The following CEPT1 variants were observed in gnomAD, a reference collection of about 807,000 sequenced individuals.
The protein encoded by CEPT1 is choline/ethanolaminephosphotransferase 1.
Under a neutral mutation model 42.6 loss-of-function variants are expected in CEPT1, and 7 were observed. That is an observed-to-expected ratio of 0.16 (90% CI 0.09 to 0.31). The LOEUF (loss-of-function observed/expected upper bound fraction) is 0.31, where lower values mean the gene tolerates loss of function less well. Among genes scored for constraint, CEPT1 ranks in the 10% least tolerant of loss-of-function variants. The pLI is 1.00. For synonymous variants in CEPT1, 171 were observed against 171.9 expected (o/e 0.99, Z 0.04); for missense variants, 306 against 502.1 (o/e 0.61, Z 3.73).
intron 4 of CEPT1, among the ~76,000 whole-genome samples, chr1:111,163,515 A>G (rs1046442058): frequency 1.3e-5 from 2 of 152,094 alleles, no homozygotes; most frequent in African/African-American, 4.8e-5. Context: ...CTGTAGGAGG[A>G]TCACTTGCGC....
rs1657132940 is a variant in CEPT1, at chr1:111,184,118, T to C, written c.1132-73T>C. The stretch of plus-strand genomic sequence containing the variant: ...AGGTGAATCTGTAGAGAGAACAGAG[T>C]CCAGTCCTCTTTACTTTCAGGAAGC... On this transcript the variant is annotated intron_variant, in intron 8 of 8. Coordinates refer to ENST00000357172, the MANE Select transcript of CEPT1 (RefSeq NM_006090.5). 2.7e-6 allele frequency: 4 copies of C among 1,459,886 alleles called. No homozygotes were observed. In the South Asian group the frequency reaches 3.7e-5, roughly 13 times the overall value. 90.4% of individuals were successfully genotyped at this position (1,459,886 alleles called of 1,614,324 possible). A position where few individuals can be genotyped will look rare whatever the true frequency, so the allele number is the denominator to read the frequency against.
rs1441740416 is a variant in CEPT1 at position 111,160,116 on chromosome 1, C to T, written c.487+589C>T. 7 of 152,164 alleles carry T rather than the reference C, an allele frequency of 4.6e-5. No homozygotes were observed. The East Asian group carries it at 1.3e-3, about 29-fold the overall frequency. 9.4% of individuals were successfully genotyped at this position (152,164 alleles called of 1,614,324 possible). On this transcript the variant is annotated intron_variant, in intron 3 of 8. Transcript: ENST00000357172. ...TTTATATATATGGCATGTTTTACACCTCATATACAATTTTTAAAAGAAACA... is the reference window on the plus strand; with the variant it reads ...TTTATATATATGGCATGTTTTACACTTCATATACAATTTTTAAAAGAAACA...
At chr1:111,141,919 CT>C (rs1654635515) in intron 1 of CEPT1, among the ~76,000 whole-genome samples, 1 of 152,064 alleles carries the variant, frequency 6.6e-6, no homozygotes, top group African/African-American at 2.4e-5. Flanking sequence ...TGTGAAAAGA[CT>C]GTAAACATAC....
chr1:111,175,040 G>C, intron 5 of CEPT1, 77 bp downstream of exon 5: 1 of 881,616 alleles, frequency 1.1e-6, no homozygotes, highest in African/African-American at 1.6e-5. Context: ...GGATAATCCA[G>C]TTAAAGGGTA....
intron 2 of CEPT1, among the ~76,000 whole-genome samples, chr1:111,156,023 G>A (rs925964383): frequency 1.3e-5 from 2 of 152,134 alleles, no homozygotes; most frequent in South Asian, 2.1e-4. Flanking sequence ...CTACTTTTCA[G>A]ATGTGGGCAT....
chr1:111,165,649 A>G (rs1297504677), intron 4 of CEPT1, among the ~76,000 whole-genome samples: 1 of 152,216 alleles, frequency 6.6e-6, no homozygotes, highest in Non-Finnish European at 1.5e-5. Flanking sequence ...CACAGATATT[A>G]TTACAAGTGT....
chr1:111,164,806 G>T (rs1656051984), intron 4 of CEPT1, among the ~76,000 whole-genome samples: 1 of 151,858 alleles, frequency 6.6e-6, no homozygotes, highest in Non-Finnish European at 1.5e-5. Flanking sequence ...TGCATTTTTA[G>T]TAGAGATGGG....
At chr1:111,143,847 C>G (rs112983251) in intron 1 of CEPT1, among the ~76,000 whole-genome samples, 1 of 152,120 alleles carries the variant, frequency 6.6e-6, no homozygotes, top group Non-Finnish European at 1.5e-5. Context: ...AAGCAATCCT[C>G]CCAACTCAGC....
At chr1:111,141,572 A>T (rs1188153747) in intron 1 of CEPT1, among the ~76,000 whole-genome samples, 1 of 152,182 alleles carries the variant, frequency 6.6e-6, no homozygotes, top group Non-Finnish European at 1.5e-5. Context: ...CCTATAAAAT[A>T]CCAAGCTTTT....
chr1:111,170,256 A>G (rs1490997381), intron 4 of CEPT1, among the ~76,000 whole-genome samples: 3 of 152,102 alleles, frequency 2.0e-5, no homozygotes, highest in Admixed American at 6.6e-5. Context: ...TTCTTTTTAT[A>G]TTAGAGGGCT....
intron 2 of CEPT1, among the ~76,000 whole-genome samples, chr1:111,151,756 A>C (rs1238092663): frequency 1.3e-5 from 2 of 152,204 alleles, no homozygotes. Flanking sequence ...TAGCTATGTT[A>C]ATAGAGGTTC....
chr1:111,167,793 AC>A (rs1177178219), intron 4 of CEPT1: 48 of 903,154 alleles, frequency 5.3e-5, no homozygotes, highest in Non-Finnish European at 6.4e-5. Context: ...TTTTCATGTT[AC>A]TATAGTCATT....
In CEPT1 at chr1:111,174,917, T is replaced by C. The variant is rs948073758; in HGVS notation, c.668T>C (p.Met223Thr). ...GAAGTGCAAATCTTCATAATAATCA[T>C]GCATTTGCTGGCAGTGATTGGAGGA... ...VTEVQIFIIIMHLLAVIGGPP... is the reference protein window; with the variant it reads ...VTEVQIFIIITHLLAVIGGPP... Residue 223 changes from methionine to threonine, a missense_variant, in exon 5 of 9, where the codon ATG becomes ACG. Physicochemically the swap from Met to Thr is moderately conservative, Grantham distance 81. This residue lies in a region of CEPT1 where 253 missense variants were observed against 447.3 expected (regional missense o/e 0.57). Transcript: ENST00000357172. 5 of 1,613,096 alleles carry C rather than the reference T, an allele frequency of 3.1e-6. No individual in the cohort carries two copies. Among genetic ancestry groups the C allele is most frequent in the Non-Finnish European group, 3.4e-6 (4 of 1,179,276 alleles).
chr1:111,148,341 T>C (rs1211002914), intron 2 of CEPT1, among the ~76,000 whole-genome samples: 1 of 151,940 alleles, frequency 6.6e-6, no homozygotes, highest in East Asian at 1.9e-4. Context: ...CAAAAAAGTT[T>C]TTCATTTTTT....
Position 111,184,596 on chromosome 1 carries a change from TG to T in CEPT1, c.*290del. Reference sequence around the variant, plus strand: ...TCCTGGATTCAGAATAATACTGTGATGGGGAGCCAGATCCGCAGTGGTGGAG... The same window carrying T: ...TCCTGGATTCAGAATAATACTGTGATGGGAGCCAGATCCGCAGTGGTGGAG... On this transcript the variant is annotated 3_prime_UTR_variant, in exon 9 of 9. Transcript: ENST00000357172. 4.5e-6 allele frequency: 1 copy of T among 221,012 alleles called. No individual in the cohort carries two copies. The highest frequency in any genetic ancestry group is 8.7e-5 in the South Asian group (1 of 11,514). 13.7% of individuals were successfully genotyped at this position (221,012 alleles called of 1,614,324 possible).
intron 4 of CEPT1, 27 bp downstream of exon 4, chr1:111,161,323 G>A: frequency 6.4e-7 from 1 of 1,574,230 alleles, no homozygotes; most frequent in Non-Finnish European, 8.6e-7. Context: ...GGTAATTTTT[G>A]TTTTCTCTTT....
intron 1 of CEPT1, chr1:111,143,347 C>CTTCA (rs1654767724): frequency 6.6e-6 from 1 of 152,250 alleles, no homozygotes; most frequent in Non-Finnish European, 1.5e-5. Context: ...TACTTGAAGA[C>CTTCA]TTCACCCTGT....
chr1:111,148,114 C>A, intron 2 of CEPT1, 61 bp downstream of exon 2: 2 of 1,270,122 alleles, frequency 1.6e-6, no homozygotes, highest in Non-Finnish European at 2.2e-6. Context: ...TAATTGGGAT[C>A]GTGGGGTCAT....
intron 4 of CEPT1, among the ~76,000 whole-genome samples, chr1:111,168,873 A>C (rs1490556946): frequency 1.3e-5 from 2 of 152,206 alleles, no homozygotes; most frequent in Non-Finnish European, 2.9e-5. Context: ...GGAATGTGGA[A>C]AATACAGTTG....
Sources: gnomAD v4.1 joint callset for allele counts (sites outside exome capture counted in the v4.1 genomes callset) on GRCh38, gnomAD v4.1.1 for gene constraint, gnomAD v4.1.1 regional missense constraint, MANE v1.5 for transcripts, NCBI Gene and HGNC (gene_info 2026-07-23, HGNC 2026-07-21) for gene names.